CCDC178: variants seen among roughly 807,000 people sequenced by gnomAD.
The protein encoded by CCDC178 is coiled-coil domain-containing protein 178.
In CCDC178, 126 loss-of-function variants were observed where a neutral mutation model predicts 117.4. That is an observed-to-expected ratio of 1.07 (90% CI 0.93 to 1.24). The LOEUF (loss-of-function observed/expected upper bound fraction) is 1.24. CCDC178 is among the 50% of genes most tolerant of loss of function. The probability of loss-of-function intolerance (pLI) is 0.00; values close to 1 mark genes in which losing one functional copy is unlikely to be tolerated. For missense variants in CCDC178, 1,030 were observed against 986.9 expected, an observed-to-expected ratio of 1.04 and a Z score of -0.59; for synonymous variants, 283 against 313.4, an observed-to-expected ratio of 0.90 and a Z score of 1.02.
intron 11 of CCDC178, among the ~76,000 whole-genome samples, chr18:33,313,842 C>T (rs2062375765): frequency 6.6e-6 from 1 of 152,134 alleles, no homozygotes; most frequent in Non-Finnish European, 1.5e-5. Flanking sequence ...CTCAGGACAC[C>T]ATTAATGCCT....
At chr18:33,173,341 C>T (rs143835104) in intron 20 of CCDC178, among the ~76,000 whole-genome samples, 1,671 of 152,214 alleles carry the variant, frequency 0.011, 21 homozygotes, top group Middle Eastern at 0.02. Context: ...TGAGACTGTG[C>T]CTGGCTTGCA....
At chr18:33,177,177 G>A (rs2058673484) in intron 20 of CCDC178, among the ~76,000 whole-genome samples, 2 of 151,940 alleles carry the variant, frequency 1.3e-5, no homozygotes, top group Non-Finnish European at 2.9e-5. Context: ...GACACAGGGA[G>A]GGGAACATCA....
At chr18:33,133,873 TATC>T (rs1568008992) in intron 20 of CCDC178, among the ~76,000 whole-genome samples, 2 of 151,972 alleles carry the variant, frequency 1.3e-5, no homozygotes, top group African/African-American at 4.8e-5. Context: ...AGTAAGTAGA[TATC>T]ATATAATGAA....
intron 22 of CCDC178, among the ~76,000 whole-genome samples, chr18:32,943,701 C>G (rs2054288714): frequency 6.6e-6 from 1 of 152,122 alleles, no homozygotes; most frequent in South Asian, 2.1e-4. Flanking sequence ...TTCTATTCCA[C>G]TTTTTCAAGA....
At chr18:33,164,400 C>CA (rs896802265) in intron 20 of CCDC178, among the ~76,000 whole-genome samples, 1 of 152,092 alleles carries the variant, frequency 6.6e-6, no homozygotes, top group African/African-American at 2.4e-5. Context: ...AGGTATGAGA[C>CA]ACTGCACCCT....
At chr18:33,420,367 T>A (rs1359466085) in intron 2 of CCDC178, among the ~76,000 whole-genome samples, 2 of 151,896 alleles carry the variant, frequency 1.3e-5, no homozygotes, top group Non-Finnish European at 2.9e-5. Context: ...ATTATTATTA[T>A]TTTTTTTACA....
intron 14 of CCDC178, among the ~76,000 whole-genome samples, chr18:33,258,987 A>G (rs1298040214): frequency 2.0e-5 from 3 of 152,132 alleles, no homozygotes; most frequent in African/African-American, 7.2e-5. Flanking sequence ...AACGTACATC[A>G]ACAATGTTTC....
At chr18:32,949,170 G>C (rs533271578) in intron 22 of CCDC178, among the ~76,000 whole-genome samples, 8 of 152,102 alleles carry the variant, frequency 5.3e-5, no homozygotes, top group African/African-American at 1.7e-4. Flanking sequence ...CTCTTCTAAA[G>C]ATTTTTCTCT....
At chr18:33,236,762 C>G (rs1391025) in intron 15 of CCDC178, among the ~76,000 whole-genome samples, 24,389 of 151,980 alleles carry the variant, frequency 0.16, 2,716 homozygotes, top group African/African-American at 0.32. Flanking sequence ...AGAGGCAACT[C>G]TGGTAATTGG....
At chr18:33,209,769 T>G (rs932831908) in intron 20 of CCDC178, among the ~76,000 whole-genome samples, 11 of 152,058 alleles carry the variant, frequency 7.2e-5, no homozygotes, top group African/African-American at 2.7e-4. Flanking sequence ...TCCAAGAAAC[T>G]GGTAAGAGAC....
intron 21 of CCDC178, among the ~76,000 whole-genome samples, chr18:33,033,879 G>C (rs1567945769): frequency 6.6e-6 from 1 of 151,450 alleles, no homozygotes; most frequent in Non-Finnish European, 1.5e-5. Context: ...CTAATCCCAT[G>C]ACTTATTCTG....
intron 20 of CCDC178, among the ~76,000 whole-genome samples, chr18:33,107,786 G>A (rs994699498): frequency 2.0e-5 from 3 of 151,654 alleles, no homozygotes; most frequent in African/African-American, 4.8e-5. Context: ...CTTTTAGAGA[G>A]TCCTAATTTG....
chr18:33,381,514 C>T (rs1045488219), intron 5 of CCDC178, among the ~76,000 whole-genome samples: 1 of 152,194 alleles, frequency 6.6e-6, no homozygotes, highest in African/African-American at 2.4e-5. Context: ...TGAATTCTCC[C>T]TATGCTATAG....
chr18:33,231,196 A>G (rs1335550061), intron 15 of CCDC178, among the ~76,000 whole-genome samples: 1 of 152,208 alleles, frequency 6.6e-6, no homozygotes, highest in Non-Finnish European at 1.5e-5. Flanking sequence ...ACACAATATT[A>G]TATTATTGTA....
intron 22 of CCDC178, among the ~76,000 whole-genome samples, chr18:32,952,085 A>G (rs933232240): frequency 6.6e-6 from 1 of 152,036 alleles, no homozygotes; most frequent in Non-Finnish European, 1.5e-5. Context: ...AGCTGCTTTC[A>G]TGAACTGGCA....
chr18:33,298,606 A>T (rs1212414486), intron 11 of CCDC178, among the ~76,000 whole-genome samples: 1 of 152,174 alleles, frequency 6.6e-6, no homozygotes, highest in Non-Finnish European at 1.5e-5. Flanking sequence ...CTCTCATTCA[A>T]CCTAATACTG....
chr18:33,215,102 G>T (rs2059149658), intron 19 of CCDC178, among the ~76,000 whole-genome samples: 2 of 151,942 alleles, frequency 1.3e-5, no homozygotes, highest in South Asian at 4.2e-4. Context: ...CTCATGAGGT[G>T]ACTGATAAGA....
intron 14 of CCDC178, among the ~76,000 whole-genome samples, chr18:33,245,819 G>T (rs574371598): frequency 1.3e-5 from 2 of 151,990 alleles, no homozygotes; most frequent in South Asian, 4.1e-4. Context: ...GCATATACAA[G>T]AGCAAAGTTT....
At chr18:32,996,376 G>C (rs1233526598) in intron 21 of CCDC178, among the ~76,000 whole-genome samples, 1 of 151,730 alleles carries the variant, frequency 6.6e-6, no homozygotes, top group Non-Finnish European at 1.5e-5. Flanking sequence ...CTTAATGAGA[G>C]AAATATTAAG....
Sources: allele counts gnomAD v4.1 joint callset (sites outside exome capture counted in the v4.1 genomes callset), GRCh38; gene constraint gnomAD v4.1.1; transcripts MANE v1.5; gene names NCBI Gene and HGNC (gene_info 2026-07-23, HGNC 2026-07-21).